Variants in COL23A1 observed in about 807,000 individuals in gnomAD.
The protein encoded by COL23A1 is collagen alpha-1(XXIII) chain.
A neutral mutation model predicts 99.3 loss-of-function variants in COL23A1; 97 were observed. The ratio of observed to expected loss-of-function variants is 0.98; its 90% CI spans 0.83 to 1.16. The LOEUF (loss-of-function observed/expected upper bound fraction) is 1.16. Among genes scored for constraint, COL23A1 ranks in the 50% most tolerant of loss-of-function variants. The pLI, the probability that COL23A1 is intolerant of heterozygous loss-of-function variation, is 0.00. For synonymous variants in COL23A1, 320 were observed against 308.2 expected (o/e 1.04, Z -0.40); for missense variants, 762 against 757.4 (o/e 1.01, Z -0.07).
chr5:178,370,516 G>C (rs1207364460), intron 2 of COL23A1, among the ~76,000 whole-genome samples: 5 of 152,124 alleles, frequency 3.3e-5, no homozygotes, highest in Admixed American at 3.3e-4. Flanking sequence ...CAGGGGATTG[G>C]GGGACATTGG....
intron 25 of COL23A1, among the ~76,000 whole-genome samples, chr5:178,245,525 A>G (rs1165351917): frequency 7.7e-6 from 1 of 129,928 alleles, no homozygotes; most frequent in Admixed American, 7.6e-5. Flanking sequence ...CCCATCATCC[A>G]CTCATCCATC....
At chr5:178,539,563 A>AAAAAAG (rs1761174438) in intron 2 of COL23A1, among the ~76,000 whole-genome samples, 1 of 146,922 alleles carries the variant, frequency 6.8e-6, no homozygotes, top group Non-Finnish European at 1.5e-5. Context: ...AAAAAAAAAA[A>AAAAAAG]AAAAAGAAAA....
At chr5:178,441,117 A>G (rs1002021384) in intron 2 of COL23A1, among the ~76,000 whole-genome samples, 2 of 152,186 alleles carry the variant, frequency 1.3e-5, no homozygotes, top group Non-Finnish European at 2.9e-5. Context: ...AAATTACCCA[A>G]TAAGACGTCT....
intron 2 of COL23A1, among the ~76,000 whole-genome samples, chr5:178,515,099 C>T (rs1283387286): frequency 1.3e-5 from 2 of 152,350 alleles, no homozygotes; most frequent in South Asian, 2.1e-4. Flanking sequence ...GCTGTGCATG[C>T]TTCTGGGAGG....
intron 2 of COL23A1, among the ~76,000 whole-genome samples, chr5:178,446,748 A>C (rs1343749869): frequency 6.6e-6 from 1 of 152,212 alleles, no homozygotes; most frequent in Non-Finnish European, 1.5e-5. Context: ...TACAGTTCAA[A>C]ATACTGAAAC....
intron 2 of COL23A1, among the ~76,000 whole-genome samples, chr5:178,423,479 A>G (rs1765744496): frequency 6.6e-6 from 1 of 152,194 alleles, no homozygotes; most frequent in East Asian, 1.9e-4. Context: ...GCTTTGTGCC[A>G]GATGAATTTG....
chr5:178,479,496 A>G (rs1480330291), intron 2 of COL23A1, among the ~76,000 whole-genome samples: 1 of 152,176 alleles, frequency 6.6e-6, no homozygotes, highest in South Asian at 2.1e-4. Context: ...AGGTGTCCAC[A>G]GCTCTTTAAT....
intron 5 of COL23A1, among the ~76,000 whole-genome samples, chr5:178,279,788 C>T (rs1192018036): frequency 6.6e-6 from 1 of 152,224 alleles, no homozygotes; most frequent in Non-Finnish European, 1.5e-5. Context: ...CACTTATCAG[C>T]ATCCTCTTCA....
chr5:178,585,740 G>GGTT (rs1193106192), intron 1 of COL23A1, among the ~76,000 whole-genome samples: 1 of 151,998 alleles, frequency 6.6e-6, no homozygotes. Context: ...CCACAGCCCT[G>GGTT]GCTGACCCTG....
intron 2 of COL23A1, among the ~76,000 whole-genome samples, chr5:178,417,181 T>C (rs1186479591): frequency 6.6e-6 from 1 of 152,164 alleles, no homozygotes; most frequent in African/African-American, 2.4e-5. Flanking sequence ...TGCCAGTCTT[T>C]CCCAACGGAT....
chr5:178,385,255 G>A (rs376944321), intron 2 of COL23A1, among the ~76,000 whole-genome samples: 5 of 152,078 alleles, frequency 3.3e-5, no homozygotes, highest in East Asian at 1.9e-4. Flanking sequence ...GGTGGGTTGC[G>A]GGGACCCCTC....
rs1007295394 is a variant in COL23A1 at position 178,490,604 on chromosome 5, GA to G, written c.361+70077del. Among the ~76,000 whole-genome samples the G allele has an allele frequency of 1.3e-3, 198 of 147,536 alleles. 2 individuals carry two copies. Among genetic ancestry groups the G allele is most frequent in the Middle Eastern group, 3.4e-3 (1 of 290 alleles). On this transcript the variant is annotated intron_variant, in intron 2 of 28. Transcript: ENST00000390654. ...GTGGTTTAAACTTGGGCAACATAGT[GA>G]AAAAAAAAAATCTTTAAAAAAATTA...
chr5:178,298,690 A>G (rs1757876528), intron 3 of COL23A1, among the ~76,000 whole-genome samples: 1 of 152,168 alleles, frequency 6.6e-6, no homozygotes, highest in Non-Finnish European at 1.5e-5. Flanking sequence ...CCTGGCTCCC[A>G]GCTCTCAGAA....
chr5:178,266,770 G>A (rs540915890), intron 8 of COL23A1, among the ~76,000 whole-genome samples: 186 of 152,284 alleles, frequency 1.2e-3, no homozygotes, highest in African/African-American at 4.4e-3. Context: ...CGGAGCAGGC[G>A]CCCGGCCAGC....
At chr5:178,353,586 A>G (rs1267610641) in intron 2 of COL23A1, among the ~76,000 whole-genome samples, 1 of 152,228 alleles carries the variant, frequency 6.6e-6, no homozygotes, top group Non-Finnish European at 1.5e-5. Context: ...ACCTTTAGTC[A>G]TAGAGAATCG....
rs1052432908 is a variant in COL23A1 at position 178,307,177 on chromosome 5, T to C, written c.362-258A>G. On this transcript the variant is annotated intron_variant, in intron 2 of 28. Coordinates refer to ENST00000390654, the MANE Select transcript of COL23A1 (RefSeq NM_173465.4). This position sits in a 1 kb window ranked among gnomAD's most constrained non-coding sequence, Gnocchi z 4.2. ...CCCACGCACCCATTCTGTCATTCAA[T>C]CATCGGCTCACTCAGTCATTCCTAA... Among the ~76,000 whole-genome samples, 18 of 152,174 alleles carry C rather than the reference T, an allele frequency of 1.2e-4. No individual in the cohort carries two copies. Among genetic ancestry groups the C allele is most frequent in the Non-Finnish European group, 2.5e-4 (17 of 68,034 alleles).
At position 178,576,421 on chromosome 5, in the gene COL23A1, G is replaced by C. The variant is rs549046702; in HGVS notation, c.294+13483C>G. ...GCCTGATTTTTGTATTTTTAGTAGAGACGGGGTTTCGCCATACTGGCGAGG... is the reference window on the plus strand; with the variant it reads ...GCCTGATTTTTGTATTTTTAGTAGACACGGGGTTTCGCCATACTGGCGAGG... On this transcript the variant is annotated intron_variant, in intron 1 of 28. Coordinates refer to ENST00000390654, the MANE Select transcript of COL23A1 (RefSeq NM_173465.4). Among the ~76,000 whole-genome samples the C allele has an allele frequency of 7.9e-5, 12 of 152,304 alleles. No individual in the cohort carries two copies. In the South Asian group the frequency reaches 2.5e-3, roughly 32 times the overall value.
intron 2 of COL23A1, among the ~76,000 whole-genome samples, chr5:178,358,064 T>C (rs934250935): frequency 2.1e-5 from 3 of 139,942 alleles, no homozygotes; most frequent in Admixed American, 1.4e-4. Context: ...AATGTATGTG[T>C]ATTGTGTGTA....
At position 178,306,991 on chromosome 5, in the gene COL23A1, A is replaced by G; in HGVS notation, c.362-72T>C. The G allele has an allele frequency of 8.5e-7, 1 of 1,178,454 alleles. No homozygotes were observed. The highest frequency in any genetic ancestry group is 1.1e-6 in the Non-Finnish European group (1 of 874,032). The allele number at this position is 1,178,454 out of a possible 1,614,324, so 73.0% of individuals were successfully genotyped here. On this transcript the variant is annotated intron_variant, in intron 2 of 28. Coordinates refer to ENST00000390654, the MANE Select transcript of COL23A1 (RefSeq NM_173465.4). This position sits in a 1 kb window ranked among gnomAD's most constrained non-coding sequence, Gnocchi z 4.1. Reference sequence around the variant, plus strand: ...GACTTGGCTGCGTGGGGCATGCCCCAGCCACCCACCTGTCCGCTCGCAACA... The same window carrying G: ...GACTTGGCTGCGTGGGGCATGCCCCGGCCACCCACCTGTCCGCTCGCAACA...
Sources: gnomAD v4.1 joint callset for allele counts (sites outside exome capture counted in the v4.1 genomes callset) on GRCh38, gnomAD v4.1.1 for gene constraint, Gnocchi (gnomAD v3.1) non-coding constraint, MANE v1.5 for transcripts, NCBI Gene and HGNC (gene_info 2026-07-23, HGNC 2026-07-21) for gene names.